Variants in PREP observed in about 807,000 individuals in gnomAD.
The protein encoded by PREP is prolyl endopeptidase, also known as dJ355L5.1 (prolyl endopeptidase).
In PREP, 29 loss-of-function variants were observed where a neutral mutation model predicts 87.6. The ratio of observed to expected loss-of-function variants is 0.33; its 90% CI spans 0.25 to 0.45. The LOEUF (loss-of-function observed/expected upper bound fraction) is 0.45. PREP is among the 20% of genes least tolerant of loss of function. The pLI is 1.00. For synonymous variants in PREP, 337 were observed against 328.6 expected (o/e 1.03, Z -0.28); for missense variants, 695 against 886.5 (o/e 0.78, Z 2.74).
At chr6:105,317,672 G>C (rs1415392061) in intron 10 of PREP, among the ~76,000 whole-genome samples, 1 of 152,074 alleles carries the variant, frequency 6.6e-6, no homozygotes, top group Non-Finnish European at 1.5e-5. Context: ...TCCTGCTCAG[G>C]GACTGTGAAG....
rs144746657 is a variant in PREP, at chr6:105,403,068, G to A, written c.-177C>T. 0.038 allele frequency: 10,308 copies of A among 274,610 alleles called. 1,082 individuals are homozygous for A. Among genetic ancestry groups the A allele is most frequent in the African/African-American group, 0.22 (9,727 of 44,838 alleles). 17.0% of individuals were successfully genotyped at this position (274,610 alleles called of 1,614,324 possible). On this transcript the variant is annotated 5_prime_UTR_variant, in exon 1 of 15. Transcript: ENST00000652536. ...AAACGGACTGGCGGCGCGGCGGCGA[G>A]GACGTGCAGAAAGCAGGAAGCCGCT...
chr6:105,368,487 A>G (rs949292372), intron 6 of PREP, among the ~76,000 whole-genome samples: 4 of 152,158 alleles, frequency 2.6e-5, no homozygotes, highest in Non-Finnish European at 5.9e-5. Flanking sequence ...ATGCATGAAA[A>G]GAGCACAGTT....
At chr6:105,362,537 A>G (rs1463198936) in intron 6 of PREP, among the ~76,000 whole-genome samples, 1 of 152,196 alleles carries the variant, frequency 6.6e-6, no homozygotes, top group African/African-American at 2.4e-5. Context: ...AAAGCGATTG[A>G]TCAACAAATC....
intron 7 of PREP, among the ~76,000 whole-genome samples, chr6:105,335,601 T>C (rs1294277720): frequency 1.3e-5 from 2 of 152,104 alleles, no homozygotes; most frequent in Non-Finnish European, 2.9e-5. Context: ...TAGGTAAATA[T>C]AAAAATAGGG....
chr6:105,304,861 C>T (rs1770621936), intron 10 of PREP, among the ~76,000 whole-genome samples: 2 of 152,146 alleles, frequency 1.3e-5, no homozygotes. Context: ...TAAGAGATTA[C>T]ATAAGCTTTC....
intron 8 of PREP, among the ~76,000 whole-genome samples, chr6:105,329,718 C>G (rs1045878216): frequency 7.9e-5 from 12 of 152,314 alleles, no homozygotes; most frequent in South Asian, 4.1e-4. Flanking sequence ...TTGTTATCCA[C>G]CAGATTCCCT....
chr6:105,382,467 A>T (rs1772870476), intron 2 of PREP, among the ~76,000 whole-genome samples: 1 of 152,168 alleles, frequency 6.6e-6, no homozygotes, highest in Non-Finnish European at 1.5e-5. Flanking sequence ...ATACAGGCTC[A>T]CTTACTGATT....
chr6:105,394,294 A>C (rs573985204), intron 2 of PREP, among the ~76,000 whole-genome samples: 2 of 152,348 alleles, frequency 1.3e-5, no homozygotes, highest in Admixed American at 6.5e-5. Flanking sequence ...TAGGCTAGAA[A>C]GTTCTTTCTC....
Position 105,278,384 on chromosome 6 carries a change from C to T in PREP, c.1893G>A (p.Pro631=), listed in dbSNP as rs764920544. ...GGTCAGCAGTGAGGAGCAGCATGGA[C>T]GGGTACTGGATGTCATCTGCTTCTG... ...KLPEADDIQY[P]SMLLLTADHD... Residue 631 remains proline, a synonymous_variant, in exon 15 of 15, where the codon CCG becomes CCA. Transcript: ENST00000652536. The surrounding 1 kb of genome is among the most constrained non-coding windows in gnomAD (Gnocchi z 4.2). The T allele has an allele frequency of 3.1e-5, 50 of 1,614,008 alleles. No homozygotes were observed. Among genetic ancestry groups the T allele is most frequent in the South Asian group, 9.9e-5 (9 of 91,082 alleles).
Position 105,328,950 on chromosome 6 carries a change from A to G in PREP, c.1092T>C (p.His364=), listed in dbSNP as rs932164738. ...TAAGGAGAGCACCAGTAGTCAGGTC[A>G]TGGAGCTGCAGAATGTTCTTGACGT... The part of the protein sequence containing the change: ...LHDVKNILQL[H]DLTTGALLKT... The change falls in exon 9 of 15, where the codon CAT becomes CAC. Residue 364 remains histidine, a synonymous_variant. Coordinates refer to ENST00000652536, the MANE Select transcript of PREP (RefSeq NM_002726.5). 2.5e-6 allele frequency: 4 copies of G among 1,614,082 alleles called. No individual in the cohort carries two copies. The African/African-American group carries it at 5.3e-5, about 22-fold the overall frequency.
At chr6:105,295,850 C>T (rs193183247) in intron 10 of PREP, among the ~76,000 whole-genome samples, 260 of 152,258 alleles carry the variant, frequency 1.7e-3, no homozygotes, top group Non-Finnish European at 3.0e-3. Flanking sequence ...AAATGGCTGC[C>T]TAATATTTCA....
At chr6:105,297,974 T>C (rs1390736851) in intron 10 of PREP, among the ~76,000 whole-genome samples, 2 of 152,208 alleles carry the variant, frequency 1.3e-5, no homozygotes, top group African/African-American at 2.4e-5. Flanking sequence ...ACACAGAAGA[T>C]AAAACCAAAC....
intron 6 of PREP, among the ~76,000 whole-genome samples, chr6:105,354,952 A>G (rs934725206): frequency 6.6e-6 from 1 of 152,204 alleles, no homozygotes; most frequent in Non-Finnish European, 1.5e-5. Flanking sequence ...GTACATCAGT[A>G]AACAAATCAA....
At chr6:105,367,254 C>CT (rs1772409309) in intron 6 of PREP, among the ~76,000 whole-genome samples, 1 of 151,878 alleles carries the variant, frequency 6.6e-6, no homozygotes, top group African/African-American at 2.4e-5. Context: ...ACGCAGAAGC[C>CT]TTATGTATGA....
chr6:105,282,441 C>T lies in PREP; in HGVS notation c.1681+10G>A, dbSNP rs1476406156. 5 of 1,611,302 alleles carry T rather than the reference C, an allele frequency of 3.1e-6. No individual in the cohort carries two copies. Among genetic ancestry groups the T allele is most frequent in the Non-Finnish European group, 4.2e-6 (5 of 1,179,088 alleles). ...ACTAGTAAGTGCAATGAATAAAATC[C>T]AGTACTCACCCACTAAGAGGCCTCC... On this transcript the variant is annotated intron_variant, in intron 13 of 14. Transcript: ENST00000652536.
At chr6:105,396,384 A>G (rs1688229200) in intron 2 of PREP, among the ~76,000 whole-genome samples, 2 of 152,262 alleles carry the variant, frequency 1.3e-5, no homozygotes, top group Admixed American at 1.3e-4. Context: ...AAAGCAGGTG[A>G]GCCAGTGCTT....
intron 2 of PREP, among the ~76,000 whole-genome samples, chr6:105,392,466 T>C (rs1219946026): frequency 3.3e-5 from 5 of 152,238 alleles, no homozygotes; most frequent in Non-Finnish European, 7.3e-5. Context: ...CAGCATATTA[T>C]ACTTAGTAGG....
intron 6 of PREP, among the ~76,000 whole-genome samples, chr6:105,360,962 T>C (rs573064181): frequency 1.2e-3 from 185 of 152,266 alleles, no homozygotes; most frequent in African/African-American, 4.3e-3. Context: ...CACATATATA[T>C]ACACACATAT....
intron 10 of PREP, among the ~76,000 whole-genome samples, chr6:105,299,919 C>T (rs1363743216): frequency 5.4e-5 from 8 of 148,532 alleles, no homozygotes; most frequent in South Asian, 4.2e-4. Flanking sequence ...TTTTTTGAGA[C>T]GGAATCTCAC....
Sources: allele counts gnomAD v4.1 joint callset (sites outside exome capture counted in the v4.1 genomes callset), GRCh38; gene constraint gnomAD v4.1.1; non-coding constraint Gnocchi (gnomAD v3.1); transcripts MANE v1.5; gene names NCBI Gene and HGNC (gene_info 2026-07-23, HGNC 2026-07-21).